VWC2L: variants seen among roughly 807,000 people sequenced by gnomAD.
The protein encoded by VWC2L is von Willebrand factor C domain containing 2 like.
VWC2L carries 10 observed loss-of-function variants against 21.6 expected under a neutral mutation model. The observed-to-expected ratio is 0.46, with a 90% confidence interval of 0.29 to 0.78. The LOEUF (loss-of-function observed/expected upper bound fraction) is 0.78, where lower values mean the gene tolerates loss of function less well. Among genes scored for constraint, VWC2L ranks in the 30% least tolerant of loss-of-function variants. The pLI, the probability that VWC2L is intolerant of heterozygous loss-of-function variation, is 0.10. For synonymous variants in VWC2L, 96 were observed against 94.3 expected (o/e 1.02, Z -0.10); for missense variants, 209 against 277.1 (o/e 0.75, Z 1.74).
chr2:214,575,648 A>C (rs1559336357), intron 3 of VWC2L, 24 bp from the exon 4 acceptor site: 2 of 1,610,674 alleles, frequency 1.2e-6, no homozygotes, highest in Non-Finnish European at 1.7e-6. Flanking sequence ...TTAATCAACT[A>C]ATCAATGTAT....
chr2:214,511,404 G>C (rs954262235), intron 3 of VWC2L, among the ~76,000 whole-genome samples: 11 of 152,158 alleles, frequency 7.2e-5, no homozygotes, highest in Non-Finnish European at 1.6e-4. Flanking sequence ...AGAGCCTTTA[G>C]GAGATAATTA....
At chr2:214,538,868 T>G (rs549455544) in intron 3 of VWC2L, among the ~76,000 whole-genome samples, 48 of 152,188 alleles carry the variant, frequency 3.2e-4, no homozygotes, top group Non-Finnish European at 4.7e-4. Flanking sequence ...CTTTCAGAAA[T>G]CCACAGTTCT....
At chr2:214,458,679 C>A (rs1413015859) in intron 3 of VWC2L, among the ~76,000 whole-genome samples, 1 of 151,802 alleles carries the variant, frequency 6.6e-6, no homozygotes, top group Non-Finnish European at 1.5e-5. Context: ...CTTCTTTTAC[C>A]TAGTGGTCAT....
At chr2:214,419,973 C>CGCCTGGGAGGTGGAG (rs1253611228) in intron 2 of VWC2L, among the ~76,000 whole-genome samples, 3 of 152,052 alleles carry the variant, frequency 2.0e-5, no homozygotes, top group Admixed American at 1.3e-4. Context: ...GCAGGAGAAT[C>CGCCTGGGAGGTGGAG]GCTGGAACCT....
chr2:214,536,975 TACACACACACACACAC>T (rs66826019), intron 3 of VWC2L: 1 of 149,726 alleles, frequency 6.7e-6, no homozygotes, highest in African/African-American at 2.5e-5. Flanking sequence ...AATTATTTCC[TACACACACACACACAC>T]ACACACACGC....
chr2:214,542,165 C>T (rs904825196), intron 3 of VWC2L, among the ~76,000 whole-genome samples: 18 of 152,142 alleles, frequency 1.2e-4, no homozygotes, highest in Admixed American at 1.2e-3. Flanking sequence ...TCGGCTTGTC[C>T]TTGTGTGCAG....
At chr2:214,456,887 A>C (rs1703066605) in intron 3 of VWC2L, among the ~76,000 whole-genome samples, 1 of 152,072 alleles carries the variant, frequency 6.6e-6, no homozygotes, top group Non-Finnish European at 1.5e-5. Flanking sequence ...GGCTGTAAAT[A>C]TATGGATTTA....
At chr2:214,443,967 G>T (rs1702800069) in intron 3 of VWC2L, among the ~76,000 whole-genome samples, 1 of 152,092 alleles carries the variant, frequency 6.6e-6, no homozygotes, top group African/African-American at 2.4e-5. Flanking sequence ...ATAAGCAAGA[G>T]AATTTAGTAA....
At chr2:214,461,384 AGTGTTAATGGTG>A (rs1377245601) in intron 3 of VWC2L, among the ~76,000 whole-genome samples, 2 of 152,152 alleles carry the variant, frequency 1.3e-5, no homozygotes, top group Non-Finnish European at 2.9e-5. Context: ...GGAACACTCT[AGTGTTAATGGTG>A]GCGGTGATGA....
At chr2:214,492,171 T>C (rs965876741) in intron 3 of VWC2L, among the ~76,000 whole-genome samples, 1 of 152,192 alleles carries the variant, frequency 6.6e-6, no homozygotes, top group Non-Finnish European at 1.5e-5. Context: ...GAGTATTTTC[T>C]GTGTGTAGTT....
intron 3 of VWC2L, among the ~76,000 whole-genome samples, chr2:214,528,433 C>A (rs1227173265): frequency 6.6e-6 from 1 of 152,136 alleles, no homozygotes; most frequent in African/African-American, 2.4e-5. Context: ...ATAAATCTAA[C>A]CTCTCTTATA....
chr2:214,543,958 T>C (rs906997606), intron 3 of VWC2L, among the ~76,000 whole-genome samples: 6 of 152,228 alleles, frequency 3.9e-5, no homozygotes, highest in African/African-American at 1.2e-4. Context: ...GAAGGATCTA[T>C]AGCGCTTTGC....
chr2:214,430,313 T>C (rs1439831460), intron 2 of VWC2L, among the ~76,000 whole-genome samples: 1 of 152,126 alleles, frequency 6.6e-6, no homozygotes, highest in Non-Finnish European at 1.5e-5. Context: ...CAAATAAAAA[T>C]ACAAAGATTA....
At chr2:214,549,598 C>T (rs1041190880) in intron 3 of VWC2L, among the ~76,000 whole-genome samples, 1 of 152,174 alleles carries the variant, frequency 6.6e-6, no homozygotes, top group African/African-American at 2.4e-5. Context: ...CATGGTGAAA[C>T]CATGTCTCTA....
intron 3 of VWC2L, among the ~76,000 whole-genome samples, chr2:214,500,806 G>A (rs796072467): frequency 3.2e-4 from 48 of 152,284 alleles, no homozygotes; most frequent in African/African-American, 1.1e-3. Context: ...GTAAACAAAC[G>A]ACCAACCTCC....
intron 3 of VWC2L, among the ~76,000 whole-genome samples, chr2:214,441,336 A>C (rs1559291686): frequency 6.6e-6 from 1 of 152,124 alleles, no homozygotes; most frequent in Non-Finnish European, 1.5e-5. Flanking sequence ...ACGATTCTGC[A>C]GGGAAGGAAA....
chr2:214,524,988 A>G (rs1221477951), intron 3 of VWC2L, among the ~76,000 whole-genome samples: 2 of 150,692 alleles, frequency 1.3e-5, no homozygotes, highest in Non-Finnish European at 2.9e-5. Context: ...CCACAGACCA[A>G]TTGAGTGGTT....
rs566469669 is a variant in VWC2L, at chr2:214,500,795, T to G, written c.520+64037T>G. ...AGGCCCAGGTTCAGTTATTAAGAGGTGTAAACAAACGACCAACCTCCATTC... is the reference window on the plus strand; with the variant it reads ...AGGCCCAGGTTCAGTTATTAAGAGGGGTAAACAAACGACCAACCTCCATTC... On this transcript the variant is annotated intron_variant, in intron 3 of 3. Transcript: ENST00000312504. Among the ~76,000 whole-genome samples, 6 of 152,318 alleles carry G rather than the reference T, an allele frequency of 3.9e-5. No individual in the cohort carries two copies. The East Asian group carries it at 1.2e-3, about 29-fold the overall frequency.
At chr2:214,483,861 A>G (rs905517936) in intron 3 of VWC2L, among the ~76,000 whole-genome samples, 12 of 152,174 alleles carry the variant, frequency 7.9e-5, no homozygotes, top group African/African-American at 2.9e-4. Flanking sequence ...TAGGGCTGCC[A>G]TATCAAGGTA....
Sources: gnomAD v4.1 joint callset for allele counts (sites outside exome capture counted in the v4.1 genomes callset) on GRCh38, gnomAD v4.1.1 for gene constraint, MANE v1.5 for transcripts, NCBI Gene and HGNC (gene_info 2026-07-23, HGNC 2026-07-21) for gene names.